The following DCDC2 variants were observed in gnomAD, a reference collection of about 807,000 sequenced individuals.
DCDC2 encodes the protein doublecortin domain containing 2.
A neutral mutation model predicts 50.2 loss-of-function variants in DCDC2; 40 were observed. The ratio of observed to expected loss-of-function variants is 0.80; its 90% CI spans 0.62 to 1.04. DCDC2 has a LOEUF of 1.04. DCDC2 is among the 50% of genes least tolerant of loss of function. The pLI is 0.00. For missense variants in DCDC2, 570 were observed against 581.9 expected (o/e 0.98, Z 0.21); for synonymous variants, 234 against 210.6 (o/e 1.11, Z -0.96).
At chr6:24,353,394 C>T in intron 2 of DCDC2, 175 bp downstream of exon 2, 5 of 649,634 alleles carry the variant, frequency 7.7e-6, no homozygotes, top group Middle Eastern at 2.5e-4. Context: ...TCAGTCTTTT[C>T]ATTTCTGACA....
In DCDC2 at chr6:24,220,870, A is replaced by G. The variant is rs1770462; in HGVS notation, c.923-15768T>C. 9.4e-4 allele frequency among the ~76,000 whole-genome samples: 119 copies of G among 127,136 alleles called. 1 individual carries two copies. The highest frequency in any genetic ancestry group is 3.4e-3 in the South Asian group (13 of 3,868). The allele number at this position is 127,136 out of a possible 152,430, so 83.4% of individuals were successfully genotyped here. On this transcript the variant is annotated intron_variant, in intron 7 of 9. Coordinates refer to ENST00000378454, the MANE Select transcript of DCDC2 (RefSeq NM_016356.5). ...TGGCGGCAGGAGAGAGACAGAGAGC[A>G]AGAGAGCGAGAGCGAGAGAGTGAGC...
At chr6:24,186,093 T>C (rs555013621) in intron 8 of DCDC2, among the ~76,000 whole-genome samples, 8 of 152,244 alleles carry the variant, frequency 5.3e-5, no homozygotes, top group Non-Finnish European at 1.2e-4. Flanking sequence ...TAGCTTTTTG[T>C]TGTTTCCAAA....
rs138305706 is a variant in DCDC2, at chr6:24,268,808, G to A, written c.922+9241C>T. Among the ~76,000 whole-genome samples the A allele has an allele frequency of 1.0e-3, 154 of 152,240 alleles. No homozygotes were observed. The East Asian group carries it at 0.028, about 27-fold the overall frequency. On this transcript the variant is annotated intron_variant, in intron 7 of 9. Coordinates refer to ENST00000378454, the MANE Select transcript of DCDC2 (RefSeq NM_016356.5). Reference sequence around the variant, plus strand: ...GCTGGTCTTGAACCCCCGACCTCAGGTGATCCACCCATCTCGGCCTCCCAA... The same window carrying A: ...GCTGGTCTTGAACCCCCGACCTCAGATGATCCACCCATCTCGGCCTCCCAA...
At chr6:24,304,355 C>T (rs965414679) in intron 2 of DCDC2, among the ~76,000 whole-genome samples, 1 of 152,044 alleles carries the variant, frequency 6.6e-6, no homozygotes, top group Non-Finnish European at 1.5e-5. Flanking sequence ...TGGTGGTGTG[C>T]ACCTGTAGTT....
chr6:24,326,858 C>CAA lies in DCDC2; in HGVS notation c.349-24816_349-24815dup, dbSNP rs550208684. On this transcript the variant is annotated intron_variant, in intron 2 of 9. Transcript: ENST00000378454. Reference sequence around the variant, plus strand: ...TGGGTGACAGAGCGAGACCCTGTCTCAAAAAAAAAAAAAAAATGCATAAAA... The same window carrying CAA: ...TGGGTGACAGAGCGAGACCCTGTCTCAAAAAAAAAAAAAAAAAATGCATAAAA... 3.5e-3 allele frequency among the ~76,000 whole-genome samples: 336 copies of CAA among 94,764 alleles called. 20 individuals carry two copies. The highest frequency in any genetic ancestry group is 8.0e-3 in the Admixed American group (71 of 8,860). 62.2% of individuals were successfully genotyped at this position (94,764 alleles called of 152,430 possible).
At chr6:24,265,891 C>A (rs1365060278) in intron 7 of DCDC2, among the ~76,000 whole-genome samples, 1 of 149,364 alleles carries the variant, frequency 6.7e-6, no homozygotes, top group East Asian at 2.0e-4. Flanking sequence ...AAAGAAATAA[C>A]AACAGAGCAG....
At chr6:24,256,363 CTT>C (rs1326648277) in intron 7 of DCDC2, among the ~76,000 whole-genome samples, 6 of 150,988 alleles carry the variant, frequency 4.0e-5, no homozygotes, top group Non-Finnish European at 7.4e-5. Context: ...TTTAAGCACT[CTT>C]TTGTATGTAC....
Position 24,283,002 on chromosome 6 carries a change from T to C in DCDC2, c.760-4791A>G, listed in dbSNP as rs972021911. Among the ~76,000 whole-genome samples the C allele has an allele frequency of 3.4e-5, 4 of 118,002 alleles. No homozygotes were observed. The South Asian group carries it at 1.1e-3, about 32-fold the overall frequency. 77.4% of individuals were successfully genotyped at this position (118,002 alleles called of 152,430 possible). On this transcript the variant is annotated intron_variant, in intron 6 of 9. Coordinates refer to ENST00000378454, the MANE Select transcript of DCDC2 (RefSeq NM_016356.5). ...TTTTTTGTCAAAACCGTAGAAATCA[T>C]AATATTTGATCCTGTAAACTACTGA... is the stretch of plus-strand genomic sequence containing the variant.
chr6:24,257,576 A>T (rs1292082304), intron 7 of DCDC2, among the ~76,000 whole-genome samples: 1 of 152,216 alleles, frequency 6.6e-6, no homozygotes, highest in South Asian at 2.1e-4. Flanking sequence ...TGTTAGTCTT[A>T]AAGAGAATAA....
chr6:24,358,987 A>ATT (rs1561788722), upstream of DCDC2, among the ~76,000 whole-genome samples: 15 of 76,990 alleles, frequency 1.9e-4, no homozygotes, highest in African/African-American at 7.8e-4. Context: ...TACATTATAT[A>ATT]TTATATATTA....
intron 7 of DCDC2, among the ~76,000 whole-genome samples, chr6:24,228,531 A>C (rs182271515): frequency 1.6e-4 from 24 of 152,320 alleles, no homozygotes; most frequent in Admixed American, 7.8e-4. Flanking sequence ...TTTTAAACAG[A>C]AAGATTTTTC....
At chr6:24,269,239 A>AT (rs1763188219) in intron 7 of DCDC2, among the ~76,000 whole-genome samples, 1 of 152,236 alleles carries the variant, frequency 6.6e-6, no homozygotes, top group Non-Finnish European at 1.5e-5. Flanking sequence ...ATTGGACTAA[A>AT]TACATTTAAG....
chr6:24,216,802 G>T (rs16888905), intron 7 of DCDC2, among the ~76,000 whole-genome samples: 3 of 152,170 alleles, frequency 2.0e-5, no homozygotes, highest in African/African-American at 7.2e-5. Flanking sequence ...TAAACCGATA[G>T]AGATCATCTT....
At chr6:24,366,739 G>C in the DCDC2 span, among the ~76,000 whole-genome samples, 2 of 152,158 alleles carry the variant, frequency 1.3e-5, no homozygotes, top group African/African-American at 4.8e-5. Flanking sequence ...GCTTTTTAAA[G>C]AGAATATTGG....
intron 7 of DCDC2, among the ~76,000 whole-genome samples, chr6:24,256,065 A>T (rs4305716): frequency 6.6e-6 from 1 of 152,224 alleles, no homozygotes. Flanking sequence ...TAAGAATAAC[A>T]AACTATTGTT....
At position 24,205,042 on chromosome 6, in the gene DCDC2, T is replaced by C. The variant is rs1314300838; in HGVS notation, c.983A>G (p.Gln328Arg). 1.9e-6 allele frequency: 3 copies of C among 1,614,146 alleles called. No homozygotes were observed. Among genetic ancestry groups the C allele is most frequent in the South Asian group, 1.1e-5 (1 of 91,066 alleles). ...RSETRGAAEV[Q>R]EDEDTQVEVP... ...CTCAACCTGAGTATCTTCATCTTCT[T>C]GGACTTCTGCTGCCCCCCGTGTTTC... The change falls in exon 8 of 10, where the codon CAA becomes CGA. Residue 328 changes from glutamine to arginine, a missense_variant. Physicochemically the swap from Gln to Arg is conservative, Grantham distance 43. Transcript: ENST00000378454.
intron 4 of DCDC2, among the ~76,000 whole-genome samples, chr6:24,292,190 G>A (rs981143166): frequency 1.3e-5 from 2 of 152,058 alleles, no homozygotes; most frequent in Non-Finnish European, 2.9e-5. Flanking sequence ...TAAAGAACAG[G>A]AAAATAAGTA....
chr6:24,215,618 C>T (rs959260558), intron 7 of DCDC2, among the ~76,000 whole-genome samples: 1 of 152,176 alleles, frequency 6.6e-6, no homozygotes, highest in Non-Finnish European at 1.5e-5. Flanking sequence ...CTGGGTCAGA[C>T]TGAAGCCACC....
chr6:24,336,581 G>A (rs1437588170), intron 2 of DCDC2, among the ~76,000 whole-genome samples: 4 of 152,068 alleles, frequency 2.6e-5, no homozygotes, highest in Non-Finnish European at 5.9e-5. Context: ...GTAATGATAA[G>A]TATCACATAA....
Sources: allele counts gnomAD v4.1 joint callset (sites outside exome capture counted in the v4.1 genomes callset), GRCh38; gene constraint gnomAD v4.1.1; transcripts MANE v1.5; gene names NCBI Gene and HGNC (gene_info 2026-07-23, HGNC 2026-07-21).